Variants in SSBP2 observed in about 807,000 individuals in gnomAD.
SSBP2 encodes the protein single stranded DNA binding protein 2.
In SSBP2, 17 loss-of-function variants were observed where a neutral mutation model predicts 61.8. The ratio of observed to expected loss-of-function variants is 0.28; its 90% CI spans 0.19 to 0.41. The LOEUF (loss-of-function observed/expected upper bound fraction) is 0.41, where lower values mean the gene tolerates loss of function less well. SSBP2 is among the 10% of genes least tolerant of loss of function. The probability of loss-of-function intolerance (pLI) is 1.00; values close to 1 mark genes in which losing one functional copy is unlikely to be tolerated. For synonymous variants in SSBP2, 139 were observed against 141.3 expected, an observed-to-expected ratio of 0.98 and a Z score of 0.12; for missense variants, 310 against 458.7, an observed-to-expected ratio of 0.68 and a Z score of 2.96.
chr5:81,515,592 A>G (rs1768954743), intron 4 of SSBP2, among the ~76,000 whole-genome samples: 1 of 151,918 alleles, frequency 6.6e-6, no homozygotes, highest in Admixed American at 6.6e-5. Flanking sequence ...AGGCATTTGT[A>G]TTCATTTGTA....
intron 16 of SSBP2, among the ~76,000 whole-genome samples, chr5:81,420,778 G>A (rs1244723286): frequency 6.6e-6 from 1 of 152,144 alleles, no homozygotes; most frequent in Non-Finnish European, 1.5e-5. Context: ...TGCACCCAGA[G>A]GCTCATCATT....
chr5:81,622,650 A>T (rs1040627101), intron 3 of SSBP2, among the ~76,000 whole-genome samples: 1 of 152,238 alleles, frequency 6.6e-6, no homozygotes, highest in African/African-American at 2.4e-5. Flanking sequence ...ATGAAAGCTT[A>T]AAATGCATAT....
At chr5:81,742,904 TGTTA>T (rs1561750920) in intron 1 of SSBP2, among the ~76,000 whole-genome samples, 1 of 152,058 alleles carries the variant, frequency 6.6e-6, no homozygotes, top group Non-Finnish European at 1.5e-5. Flanking sequence ...ACAAATAATT[TGTTA>T]TTTATAATAA....
At chr5:81,669,222 T>C (rs1751394589) in intron 1 of SSBP2, among the ~76,000 whole-genome samples, 1 of 152,202 alleles carries the variant, frequency 6.6e-6, no homozygotes, top group Non-Finnish European at 1.5e-5. Flanking sequence ...AGATTTTCCT[T>C]CATTGCTGGT....
At position 81,461,066 on chromosome 5, in the gene SSBP2, T is replaced by G; in HGVS notation, c.676A>C (p.Asn226His). ...ATATATATACTCACTGAATTGGCAT[T>G]TGTTGGGTTTGGCCAAGGTCTACCA... The change falls in exon 10 of 17, where the codon AAT becomes CAT. Residue 226 changes from asparagine (N) to histidine (H), a missense_variant. Transcript: ENST00000320672. 6.4e-7 allele frequency: 1 copy of G among 1,573,608 alleles called. No individual in the cohort carries two copies. The highest frequency in any genetic ancestry group is 1.2e-5 in the South Asian group (1 of 83,262).
At chr5:81,461,158 T>A in intron 9 of SSBP2, 55 bp from the exon 10 acceptor site, 3 of 1,335,712 alleles carry the variant, frequency 2.2e-6, no homozygotes, top group Non-Finnish European at 3.1e-6. Context: ...GGTTTCACAA[T>A]AATCAATGAC....
At chr5:81,426,196 CTCT>C (rs2153898941) in intron 16 of SSBP2, among the ~76,000 whole-genome samples, 1 of 152,274 alleles carries the variant, frequency 6.6e-6, no homozygotes, top group African/African-American at 2.4e-5. Context: ...TTCCTCTCTC[CTCT>C]TATTGCTTGA....
At chr5:81,616,763 G>T (rs1295500995) in intron 3 of SSBP2, among the ~76,000 whole-genome samples, 1 of 151,262 alleles carries the variant, frequency 6.6e-6, no homozygotes, top group Non-Finnish European at 1.5e-5. Flanking sequence ...CTGAGAACGG[G>T]CAGACTGCCT....
intron 1 of SSBP2, among the ~76,000 whole-genome samples, chr5:81,680,145 T>C (rs1451346445): frequency 6.6e-5 from 10 of 151,690 alleles, no homozygotes. Context: ...CCATTAGCTC[T>C]CATGGTTTTC....
chr5:81,534,117 C>G (rs888799706), intron 4 of SSBP2, among the ~76,000 whole-genome samples: 1 of 152,066 alleles, frequency 6.6e-6, no homozygotes, highest in African/African-American at 2.4e-5. Flanking sequence ...CCTTTCCCAC[C>G]TATGGAGTAG....
At chr5:81,604,426 T>C (rs1437183862) in intron 4 of SSBP2, among the ~76,000 whole-genome samples, 1 of 152,090 alleles carries the variant, frequency 6.6e-6, no homozygotes, top group African/African-American at 2.4e-5. Flanking sequence ...GTGTGCTTTG[T>C]ACTGACCACA....
chr5:81,544,506 C>G (rs970273450), intron 4 of SSBP2, among the ~76,000 whole-genome samples: 3 of 152,058 alleles, frequency 2.0e-5, no homozygotes, highest in Non-Finnish European at 2.9e-5. Flanking sequence ...TGTATTAAGT[C>G]TAACTTACAT....
intron 6 of SSBP2, among the ~76,000 whole-genome samples, chr5:81,479,589 G>A (rs56267544): frequency 0.16 from 18,615 of 115,742 alleles, 2,489 homozygotes; most frequent in African/African-American, 0.4. Context: ...CACTGTGCCC[G>A]GCCGCTTTGT....
intron 2 of SSBP2, among the ~76,000 whole-genome samples, chr5:81,640,038 TAAG>T (rs1474294236): frequency 6.6e-6 from 1 of 152,014 alleles, no homozygotes; most frequent in African/African-American, 2.4e-5. Flanking sequence ...TCTCAAAAAA[TAAG>T]AGAAATTTTT....
chr5:81,549,866 C>T (rs892821846), intron 4 of SSBP2, among the ~76,000 whole-genome samples: 1 of 152,168 alleles, frequency 6.6e-6, no homozygotes, highest in African/African-American at 2.4e-5. Context: ...GTTACTATGG[C>T]ACTAAGGTTT....
intron 1 of SSBP2, among the ~76,000 whole-genome samples, chr5:81,670,543 T>C (rs929109140): frequency 6.6e-5 from 10 of 152,178 alleles, no homozygotes; most frequent in African/African-American, 2.2e-4. Context: ...CAACATACTA[T>C]AACCAAGAAA....
At chr5:81,724,973 A>G (rs1461458063) in intron 1 of SSBP2, among the ~76,000 whole-genome samples, 1 of 152,196 alleles carries the variant, frequency 6.6e-6, no homozygotes, top group African/African-American at 2.4e-5. Flanking sequence ...TATTCAACAA[A>G]TATTTATAGA....
In SSBP2 at chr5:81,710,015, T is replaced by C. The variant is rs1476538794; in HGVS notation, c.62+40966A>G. Among the ~76,000 whole-genome samples the C allele has an allele frequency of 3.3e-5, 5 of 152,040 alleles. 1 individual carries two copies. The highest frequency in any genetic ancestry group is 9.6e-5 in the African/African-American group (4 of 41,454). On this transcript the variant is annotated intron_variant, in intron 1 of 16. Coordinates refer to ENST00000320672, the MANE Select transcript of SSBP2 (RefSeq NM_012446.5). ...ATACTTAACAACTAAAATATTCAAC[T>C]ACAGATGGCTCTTGCCACAGTATCC...
rs111739549 is a variant in SSBP2, at chr5:81,613,586, T to C, written c.282+1887A>G. Reference sequence around the variant, plus strand: ...CAGTAGGGTACATCTTTCTACAGAATGCAATTTTGGAAAAGTATTTATATG... The same window carrying C: ...CAGTAGGGTACATCTTTCTACAGAACGCAATTTTGGAAAAGTATTTATATG... On this transcript the variant is annotated intron_variant, in intron 4 of 16. Coordinates refer to ENST00000320672, the MANE Select transcript of SSBP2 (RefSeq NM_012446.5). Among the ~76,000 whole-genome samples, 35 of 152,216 alleles carry C rather than the reference T, an allele frequency of 2.3e-4. 1 individual carries two copies. The highest frequency in any genetic ancestry group is 2.1e-3 in the Admixed American group (32 of 15,282).
Sources: allele counts gnomAD v4.1 joint callset (sites outside exome capture counted in the v4.1 genomes callset), GRCh38; gene constraint gnomAD v4.1.1; transcripts MANE v1.5; gene names NCBI Gene and HGNC (gene_info 2026-07-23, HGNC 2026-07-21).